The following CCDC169 variants were observed in gnomAD, a reference collection of about 807,000 sequenced individuals.
The protein encoded by CCDC169 is coiled-coil domain-containing protein 169.
A neutral mutation model predicts 36.0 loss-of-function variants in CCDC169; 30 were observed. That is an observed-to-expected ratio of 0.83 (90% CI 0.62 to 1.13). CCDC169 has a LOEUF of 1.13. Ranked by LOEUF, CCDC169 falls within the 50% of genes most tolerant of loss-of-function variation. The pLI, the probability that CCDC169 is intolerant of heterozygous loss-of-function variation, is 0.00. For missense variants in CCDC169, 245 were observed against 245.9 expected, an observed-to-expected ratio of 1.00 and a Z score of 0.03; for synonymous variants, 85 against 81.5, an observed-to-expected ratio of 1.04 and a Z score of -0.23.
chr13:36,275,415 TTAAAC>T (rs1277135811), intron 4 of CCDC169, among the ~76,000 whole-genome samples: 2 of 152,166 alleles, frequency 1.3e-5, no homozygotes, highest in Admixed American at 6.5e-5. Flanking sequence ...TAAAATCTGT[TTAAAC>T]TAACTTTTCT....
intron 4 of CCDC169, among the ~76,000 whole-genome samples, chr13:36,261,264 G>T (rs1250659577): frequency 6.6e-6 from 1 of 152,064 alleles, no homozygotes; most frequent in Non-Finnish European, 1.5e-5. Flanking sequence ...AACAGCATGG[G>T]TCCCTTCCCA....
intron 4 of CCDC169, among the ~76,000 whole-genome samples, chr13:36,264,502 G>C (rs1238401022): frequency 6.6e-6 from 1 of 152,112 alleles, no homozygotes; most frequent in Non-Finnish European, 1.5e-5. Flanking sequence ...AGGAGTCTAA[G>C]AACTGGGAGC....
At chr13:36,263,385 G>C (rs1241536686) in intron 4 of CCDC169, among the ~76,000 whole-genome samples, 1 of 152,010 alleles carries the variant, frequency 6.6e-6, no homozygotes, top group African/African-American at 2.4e-5. Context: ...TCTATTAAAA[G>C]AATCATTCAA....
At chr13:36,249,234 A>G (rs1594019476) in intron 6 of CCDC169, among the ~76,000 whole-genome samples, 1 of 152,246 alleles carries the variant, frequency 6.6e-6, no homozygotes, top group East Asian at 1.9e-4. Context: ...TTGAGGGTAC[A>G]CAGAGAAGTA....
intron 2 of CCDC169, among the ~76,000 whole-genome samples, chr13:36,289,169 T>C (rs374121078): frequency 4.5e-4 from 68 of 152,328 alleles, no homozygotes; most frequent in African/African-American, 1.6e-3. Flanking sequence ...TTTTAGAAAC[T>C]GTTTCTTTTA....
In CCDC169 at chr13:36,295,821, G is replaced by C. The variant is rs1046469288; in HGVS notation, c.120C>G (p.His40Gln). The C allele has an allele frequency of 4.5e-6, 7 of 1,543,568 alleles. No homozygotes were observed. The African/African-American group carries it at 6.9e-5, about 15-fold the overall frequency. Residue 40 changes from histidine to glutamine, a missense_variant, in exon 2 of 8, where the codon CAC becomes CAG. Transcript: ENST00000239859. ...AVQLSIFELR[H>Q]KITELEAKLN... ...GTTTGGCTTCCAGTTCCGTAATCTT[G>C]TGTCTTAGTTCAAATATTGAGAGTT...
At chr13:36,236,910 T>A (rs529173699) in intron 7 of CCDC169, among the ~76,000 whole-genome samples, 146 of 152,194 alleles carry the variant, frequency 9.6e-4, no homozygotes, top group Non-Finnish European at 1.9e-3. Context: ...GTCCCTTACA[T>A]AAAACGGTGT....
intron 4 of CCDC169, among the ~76,000 whole-genome samples, chr13:36,258,982 G>C (rs1423197289): frequency 6.6e-6 from 1 of 152,154 alleles, no homozygotes; most frequent in Non-Finnish European, 1.5e-5. Context: ...CCAAGAGCCT[G>C]AAGCTGCCGG....
At chr13:36,245,668 C>T (rs548795342) in intron 7 of CCDC169, among the ~76,000 whole-genome samples, 7 of 152,282 alleles carry the variant, frequency 4.6e-5, no homozygotes, top group Admixed American at 1.3e-4. Flanking sequence ...CTGTCACCTA[C>T]GTTTATTTTG....
intron 6 of CCDC169, among the ~76,000 whole-genome samples, chr13:36,249,341 G>A (rs1309029437): frequency 6.6e-6 from 1 of 152,086 alleles, no homozygotes; most frequent in Non-Finnish European, 1.5e-5. Context: ...GAAAACCCAG[G>A]AAAAACTACT....
chr13:36,254,919 G>A (rs1873661067), intron 4 of CCDC169, among the ~76,000 whole-genome samples: 1 of 152,124 alleles, frequency 6.6e-6, no homozygotes. Flanking sequence ...ATCGTGACCT[G>A]CCTCCCTCCT....
intron 7 of CCDC169, among the ~76,000 whole-genome samples, chr13:36,239,258 A>C (rs1871459518): frequency 6.7e-6 from 1 of 150,182 alleles, no homozygotes. Context: ...GAAAAAAAAA[A>C]AAACAGAAAA....
At chr13:36,247,356 T>C (rs1201247087) in intron 7 of CCDC169, among the ~76,000 whole-genome samples, 3 of 152,312 alleles carry the variant, frequency 2.0e-5, no homozygotes, top group African/African-American at 7.2e-5. Context: ...CAAGTCTTAT[T>C]ATTTAAGAAA....
At chr13:36,295,378 C>T (rs887550909) in intron 2 of CCDC169, among the ~76,000 whole-genome samples, 5 of 152,172 alleles carry the variant, frequency 3.3e-5, no homozygotes, top group African/African-American at 7.2e-5. Flanking sequence ...ACACCAAACA[C>T]ACATTCTTCC....
At chr13:36,251,066 T>C (rs1159118045) in intron 6 of CCDC169, among the ~76,000 whole-genome samples, 1 of 152,232 alleles carries the variant, frequency 6.6e-6, no homozygotes, top group Admixed American at 6.5e-5. Flanking sequence ...GCAACGTACC[T>C]ATGTGTTAAA....
At chr13:36,295,921 A>G (rs1275560557) in intron 1 of CCDC169, 64 bp from the exon 2 acceptor site, 1 of 900,116 alleles carries the variant, frequency 1.1e-6, no homozygotes, top group Non-Finnish European at 1.7e-6. Context: ...AAAATAATAC[A>G]TAGTAACCCA....
chr13:36,297,449 C>T (rs534179446), intron 1 of CCDC169, among the ~76,000 whole-genome samples, 188 bp downstream of exon 1: 2 of 152,262 alleles, frequency 1.3e-5, no homozygotes, highest in Non-Finnish European at 2.9e-5. Flanking sequence ...TTAACAATAC[C>T]AAAGGCTTAC....
intron 7 of CCDC169, among the ~76,000 whole-genome samples, chr13:36,243,190 C>G (rs772498410): frequency 1.3e-5 from 2 of 152,172 alleles, no homozygotes; most frequent in Non-Finnish European, 2.9e-5. Context: ...AGGTGTTGAT[C>G]CTAAGAACTC....
At chr13:36,263,934 A>G (rs1874931249) in intron 4 of CCDC169, among the ~76,000 whole-genome samples, 1 of 152,198 alleles carries the variant, frequency 6.6e-6, no homozygotes, top group South Asian at 2.1e-4. Flanking sequence ...TGCCACATGG[A>G]CGCTTGCTCC....
Sources: allele counts gnomAD v4.1 joint callset (sites outside exome capture counted in the v4.1 genomes callset), GRCh38; gene constraint gnomAD v4.1.1; transcripts MANE v1.5; gene names NCBI Gene and HGNC (gene_info 2026-07-23, HGNC 2026-07-21).